PPP6R2: variants seen among roughly 807,000 people sequenced by gnomAD.
The protein encoded by PPP6R2 is protein phosphatase 6 regulatory subunit 2, also known as serine/threonine-protein phosphatase 6 regulatory subunit 2.
PPP6R2 carries 62 observed loss-of-function variants against 100.2 expected under a neutral mutation model. The ratio of observed to expected loss-of-function variants is 0.62; its 90% CI spans 0.50 to 0.76. The LOEUF (loss-of-function observed/expected upper bound fraction) is 0.76, where lower values mean the gene tolerates loss of function less well. Among genes scored for constraint, PPP6R2 ranks in the 30% least tolerant of loss-of-function variants. The probability of loss-of-function intolerance (pLI) is 0.00; values close to 1 mark genes in which losing one functional copy is unlikely to be tolerated. For missense variants in PPP6R2, 1,142 were observed against 1,276.3 expected, an observed-to-expected ratio of 0.89 and a Z score of 1.60; for synonymous variants, 525 against 514.7, an observed-to-expected ratio of 1.02 and a Z score of -0.27.
chr22:50,394,053 T>C lies in PPP6R2; in HGVS notation c.145T>C (p.Cys49Arg), dbSNP rs780718891. ...GAACCAGAAGCTGCTGGACTTCCTG[T>C]GCAGGCAGCAGTGCATGGAGGAGCT... ...AQNQKLLDFL[C>R]RQQCMEELVS... Residue 49 changes from cysteine (C) to arginine (R), a missense_variant, in exon 3 of 24, where the codon TGC becomes CGC. Cys to Arg is a radical substitution (Grantham distance 180). Coordinates refer to ENST00000612753, the MANE Select transcript of PPP6R2 (RefSeq NM_001242898.2). The C allele has an allele frequency of 1.7e-5, 28 of 1,614,032 alleles. No homozygotes were observed. Among genetic ancestry groups the C allele is most frequent in the Non-Finnish European group, 2.4e-5 (28 of 1,180,044 alleles).
At chr22:50,399,302 A>T (rs1372214678) in intron 3 of PPP6R2, among the ~76,000 whole-genome samples, 1 of 152,268 alleles carries the variant, frequency 6.6e-6, no homozygotes, top group East Asian at 1.9e-4. Context: ...TAGGCTTTGC[A>T]GGTTGTAAGG....
intron 1 of PPP6R2, among the ~76,000 whole-genome samples, chr22:50,370,542 C>T (rs1166432091): frequency 6.6e-6 from 1 of 152,004 alleles, no homozygotes; most frequent in Non-Finnish European, 1.5e-5. Context: ...CCGCCTTGGC[C>T]TCCCAAAGTG....
intron 4 of PPP6R2, among the ~76,000 whole-genome samples, chr22:50,410,774 T>G (rs1328114156): frequency 6.6e-6 from 1 of 152,020 alleles, no homozygotes; most frequent in African/African-American, 2.4e-5. Flanking sequence ...AGGAAACATG[T>G]CAAAGCATAC....
At chr22:50,412,639 T>C (rs2059918404) in intron 4 of PPP6R2, among the ~76,000 whole-genome samples, 1 of 88,802 alleles carries the variant, frequency 1.1e-5, no homozygotes, top group Non-Finnish European at 2.1e-5. Context: ...CCTTTTTTTT[T>C]TTTTTTTTTT....
In PPP6R2 at chr22:50,423,424, C is replaced by A; in HGVS notation, c.973-38C>A. On this transcript the variant is annotated intron_variant, in intron 9 of 23. Transcript: ENST00000612753. The surrounding 1 kb of genome is among the most constrained non-coding windows in gnomAD (Gnocchi z 4.8). ...AGACTCCAGCAGTGGCCTCACTGCT[C>A]ACAGGGCCTAACTGGGTGGTGCCTT... is the stretch of plus-strand genomic sequence containing the variant. 6.2e-7 allele frequency: 1 copy of A among 1,612,618 alleles called. No individual in the cohort carries two copies. Among genetic ancestry groups the A allele is most frequent in the South Asian group, 1.1e-5 (1 of 91,010 alleles).
At chr22:50,413,034 T>C (rs7286808) in intron 4 of PPP6R2, among the ~76,000 whole-genome samples, 57,233 of 149,824 alleles carry the variant, frequency 0.38, 11,318 homozygotes, top group East Asian at 0.67. Flanking sequence ...GATCTTGGCT[T>C]ACCGCAATCT....
Position 50,444,088 on chromosome 22 carries a change from G to A in PPP6R2, c.2802G>A (p.Val934=). ...IMAVTAAPAM[V]ATLGTVTKDG... ...CAGTCACAGCAGCCCCAGCCATGGT[G>A]GCCACCCTGGGGACAGTGACAAAGG... The change falls in exon 23 of 24, where the codon GTG becomes GTA. Residue 934 remains valine, a synonymous_variant. Transcript: ENST00000612753. The A allele has an allele frequency of 1.9e-6, 3 of 1,612,790 alleles. No individual in the cohort carries two copies. The highest frequency in any genetic ancestry group is 2.5e-6 in the Non-Finnish European group (3 of 1,179,294).
chr22:50,426,043 C>A (rs1247513571), intron 10 of PPP6R2, among the ~76,000 whole-genome samples: 2 of 152,100 alleles, frequency 1.3e-5, no homozygotes, highest in Non-Finnish European at 2.9e-5. Context: ...ACCTTGAACT[C>A]CTGGGCTCAA....
chr22:50,385,874 A>G (rs187008445), intron 2 of PPP6R2, among the ~76,000 whole-genome samples: 1 of 113,988 alleles, frequency 8.8e-6, no homozygotes, highest in African/African-American at 3.6e-5. Flanking sequence ...CCCAGGCTGG[A>G]GTGCAGTGAC....
chr22:50,352,994 G>T (rs572486675), intron 1 of PPP6R2, among the ~76,000 whole-genome samples: 13 of 152,296 alleles, frequency 8.5e-5, no homozygotes, highest in East Asian at 3.9e-4. Context: ...AATCTGGGAC[G>T]TCAGAGCTGC....
chr22:50,384,697 G>A (rs911205490), intron 2 of PPP6R2, among the ~76,000 whole-genome samples: 16 of 152,216 alleles, frequency 1.1e-4, no homozygotes, highest in African/African-American at 3.9e-4. Context: ...ACGTGGCAAG[G>A]GAGCTGAGTA....
rs755701426 is a variant in PPP6R2 at position 50,438,669 on chromosome 22, G to T, written c.2035G>T (p.Ala679Ser). 1 of 1,614,040 alleles carries T rather than the reference G, an allele frequency of 6.2e-7. No homozygotes were observed. The highest frequency in any genetic ancestry group is 8.5e-7 in the Non-Finnish European group (1 of 1,180,006). The change falls in exon 19 of 24, where the codon GCG becomes TCG. Residue 679 changes from alanine to serine, a missense_variant. Ala to Ser is a moderately conservative substitution (Grantham distance 99). Coordinates refer to ENST00000612753, the MANE Select transcript of PPP6R2 (RefSeq NM_001242898.2). ...GPERGGQDGK[A>S]SLEAHRDAPG... ...AGAGCGTGGAGGCCAGGATGGGAAG[G>T]CGAGCTTGGAAGCACACAGAGATGC... is the stretch of plus-strand genomic sequence containing the variant.
At chr22:50,334,882 G>A in the PPP6R2 span, among the ~76,000 whole-genome samples, 97 of 151,926 alleles carry the variant, frequency 6.4e-4, no homozygotes, top group African/African-American at 2.2e-3. Flanking sequence ...CAGGAGAATC[G>A]CTTGAACCCA....
At chr22:50,340,478 G>C (rs1022286819), upstream of PPP6R2, among the ~76,000 whole-genome samples, 1 of 123,380 alleles carries the variant, frequency 8.1e-6, no homozygotes, top group Non-Finnish European at 1.7e-5. Context: ...TGTGTGTCTC[G>C]GGTGTGTGTG....
chr22:50,339,140 T>TG, upstream of PPP6R2, among the ~76,000 whole-genome samples: 1 of 139,512 alleles, frequency 7.2e-6, no homozygotes, highest in Admixed American at 7.2e-5. Context: ...GTGTGTGTGG[T>TG]TTGTGGTGTG....
chr22:50,391,078 C>A (rs560775483), intron 2 of PPP6R2, among the ~76,000 whole-genome samples: 1 of 151,294 alleles, frequency 6.6e-6, no homozygotes, highest in African/African-American at 2.4e-5. Flanking sequence ...GAGGCCAAGG[C>A]GCTTGAGGCC....
the PPP6R2 span, among the ~76,000 whole-genome samples, chr22:50,336,368 G>A: frequency 1.3e-5 from 2 of 151,882 alleles, no homozygotes; most frequent in African/African-American, 4.8e-5. Context: ...TATCAGCAGG[G>A]TCATTATTTT....
chr22:50,410,937 G>A (rs1361430847), intron 4 of PPP6R2, among the ~76,000 whole-genome samples: 1 of 152,030 alleles, frequency 6.6e-6, no homozygotes, highest in Non-Finnish European at 1.5e-5. Flanking sequence ...GATTACAGGT[G>A]CCTGCCCCCA....
intron 10 of PPP6R2, among the ~76,000 whole-genome samples, chr22:50,425,726 G>A (rs2062009053): frequency 6.6e-6 from 1 of 151,256 alleles, no homozygotes; most frequent in South Asian, 2.1e-4. Flanking sequence ...GTCTCCGTGT[G>A]GCTGATGCTC....
Sources: allele counts gnomAD v4.1 joint callset (sites outside exome capture counted in the v4.1 genomes callset), GRCh38; gene constraint gnomAD v4.1.1; non-coding constraint Gnocchi (gnomAD v3.1); transcripts MANE v1.5; gene names NCBI Gene and HGNC (gene_info 2026-07-23, HGNC 2026-07-21).